Variants in RHAG observed in about 807,000 individuals in gnomAD.
RHAG encodes the protein Rh associated glycoprotein.
A neutral mutation model predicts 42.4 loss-of-function variants in RHAG; 25 were observed. That is an observed-to-expected ratio of 0.59 (90% confidence interval 0.43 to 0.82). The LOEUF (loss-of-function observed/expected upper bound fraction) is 0.82, where lower values mean the gene tolerates loss of function less well. Among genes scored for constraint, RHAG ranks in the 40% least tolerant of loss-of-function variants. RHAG has a pLI of 0.00. For missense variants in RHAG, 483 were observed against 504.6 expected (o/e 0.96, Z 0.41); for synonymous variants, 182 against 177.7 (o/e 1.02, Z -0.19).
intron 5 of RHAG, among the ~76,000 whole-genome samples, chr6:49,613,279 A>G (rs995908460): frequency 6.6e-6 from 1 of 152,158 alleles, no homozygotes; most frequent in African/African-American, 2.4e-5. Context: ...CATGTTGGCC[A>G]GGCTGTTCTG....
intron 7 of RHAG, among the ~76,000 whole-genome samples, chr6:49,610,030 G>C (rs942283119): frequency 6.6e-6 from 1 of 151,994 alleles, no homozygotes; most frequent in Non-Finnish European, 1.5e-5. Context: ...GAGAACACAT[G>C]GACACAGGGA....
chr6:49,615,103 A>G, intron 4 of RHAG: 1 of 438,196 alleles, frequency 2.3e-6, no homozygotes, highest in Non-Finnish European at 4.1e-6. Context: ...GCGGGCTACC[A>G]TGTCCACCTA....
At chr6:49,631,018 T>C (rs1409755122) in intron 1 of RHAG, among the ~76,000 whole-genome samples, 1 of 152,238 alleles carries the variant, frequency 6.6e-6, no homozygotes, top group Non-Finnish European at 1.5e-5. Context: ...TTGGATTTGT[T>C]TGATTGTTTC....
chr6:49,636,496 G>T (rs1453896493), intron 1 of RHAG, among the ~76,000 whole-genome samples, 160 bp downstream of exon 1: 1 of 152,060 alleles, frequency 6.6e-6, no homozygotes, highest in Non-Finnish European at 1.5e-5. Context: ...TCACAGAGAA[G>T]AAGACCAGAT....
chr6:49,618,549 G>A (rs1448524471), intron 2 of RHAG, among the ~76,000 whole-genome samples: 1 of 152,098 alleles, frequency 6.6e-6, no homozygotes, highest in African/African-American at 2.4e-5. Flanking sequence ...GGAAATTTTT[G>A]CTCCCTGTAG....
chr6:49,614,565 A>G, intron 5 of RHAG, 122 bp downstream of exon 5: 1 of 864,582 alleles, frequency 1.2e-6, no homozygotes, highest in Non-Finnish European at 2.0e-6. Context: ...AGAACATTCT[A>G]CAAGGTCTGC....
rs762121551 is a variant in RHAG, at chr6:49,619,388, T to G, written c.158-26A>C. 2.5e-6 allele frequency: 4 copies of G among 1,599,014 alleles called. No individual in the cohort carries two copies. The Admixed American group carries it at 6.8e-5, about 27-fold the overall frequency. ...CTGGAAAAGAGGAAAGGAAAAAATA[T>G]CTGCATTATGAGAGCATGAAGAAAG... On this transcript the variant is annotated intron_variant, in intron 1 of 9. Coordinates refer to ENST00000371175, the MANE Select transcript of RHAG (RefSeq NM_000324.3).
intron 1 of RHAG, among the ~76,000 whole-genome samples, chr6:49,623,255 T>C (rs955247110): frequency 6.6e-6 from 1 of 152,226 alleles, no homozygotes; most frequent in African/African-American, 2.4e-5. Flanking sequence ...CTTAAGAACC[T>C]CATTTATTAT....
rs750210519 is a variant in RHAG at position 49,636,807 on chromosome 6, C to T, written c.6G>A (p.Arg2=). ...CTATAGCCATGAGAGGGAATGTGAA[C>T]CTCATGTTTGTGGCAAAGGACAGAG... M[R]FTFPLMAIVL... Residue 2 remains arginine, a synonymous_variant, in exon 1 of 10, where the codon AGG becomes AGA. Coordinates refer to ENST00000371175, the MANE Select transcript of RHAG (RefSeq NM_000324.3). 7 of 1,613,608 alleles carry T rather than the reference C, an allele frequency of 4.3e-6. No homozygotes were observed. The highest frequency in any genetic ancestry group is 3.3e-5 in the Admixed American group (2 of 60,002).
At chr6:49,620,790 C>T (rs534094145) in intron 1 of RHAG, among the ~76,000 whole-genome samples, 1 of 152,312 alleles carries the variant, frequency 6.6e-6, no homozygotes, top group African/African-American at 2.4e-5. Context: ...CTCGGCCTCC[C>T]AAATTGCTGG....
At chr6:49,628,044 T>C (rs950683994) in intron 1 of RHAG, among the ~76,000 whole-genome samples, 2 of 151,972 alleles carry the variant, frequency 1.3e-5, no homozygotes, top group Non-Finnish European at 2.9e-5. Context: ...AAAACTCTCC[T>C]TTTCCTCTAT....
chr6:49,607,536 T>C (rs1762495170), intron 7 of RHAG, among the ~76,000 whole-genome samples: 1 of 152,198 alleles, frequency 6.6e-6, no homozygotes, highest in East Asian at 1.9e-4. Context: ...TTAATAAATA[T>C]TGAGTATCCA....
chr6:49,617,887 A>G (rs1402686048), intron 3 of RHAG, among the ~76,000 whole-genome samples, 181 bp downstream of exon 3: 1 of 152,160 alleles, frequency 6.6e-6, no homozygotes, highest in Non-Finnish European at 1.5e-5. Flanking sequence ...AGATGAAATA[A>G]GATAATGTTT....
At chr6:49,612,603 C>A in intron 5 of RHAG, 69 bp from the exon 6 acceptor site, 1 of 1,585,998 alleles carries the variant, frequency 6.3e-7, no homozygotes, top group South Asian at 1.1e-5. Context: ...TCAGAGGATT[C>A]TAGAGTTCAA....
intron 3 of RHAG, 131 bp downstream of exon 3, chr6:49,617,937 G>T: frequency 1.3e-6 from 1 of 773,848 alleles, no homozygotes; most frequent in Non-Finnish European, 2.2e-6. Context: ...AGTAAATGAT[G>T]GTTATTGTTA....
rs766300873 is a variant in RHAG, at chr6:49,619,250, G to T, written c.270C>A (p.Gly90=). Residue 90 remains glycine (G), a synonymous_variant, in exon 2 of 10, where the codon GGC becomes GGA. Coordinates refer to ENST00000371175, the MANE Select transcript of RHAG (RefSeq NM_000324.3). ...VGINLLVAAL[G]LQWGTIVQGI... ...CCTGTACAATAGTGCCCCACTGGAGGCCCAAAGCAGCAACGAGTAGGTTGA... is the reference window on the plus strand; with the variant it reads ...CCTGTACAATAGTGCCCCACTGGAGTCCCAAAGCAGCAACGAGTAGGTTGA... 1.2e-6 allele frequency: 2 copies of T among 1,614,064 alleles called. No individual in the cohort carries two copies. Among genetic ancestry groups the T allele is most frequent in the Non-Finnish European group, 1.7e-6 (2 of 1,179,972 alleles).
intron 1 of RHAG, among the ~76,000 whole-genome samples, chr6:49,629,764 G>C (rs1581951704): frequency 1.3e-5 from 2 of 152,336 alleles, no homozygotes; most frequent in South Asian, 4.1e-4. Flanking sequence ...GGGGGACCCA[G>C]TACACCCTCC....
chr6:49,616,967 C>T (rs10485290), intron 3 of RHAG, among the ~76,000 whole-genome samples: 31,985 of 152,112 alleles, frequency 0.21, 4,046 homozygotes, highest in Non-Finnish European at 0.28. Flanking sequence ...TATCTTGAAA[C>T]GCTCACATAT....
At chr6:49,610,303 TC>T (rs1408856035) in intron 7 of RHAG, among the ~76,000 whole-genome samples, 1 of 152,212 alleles carries the variant, frequency 6.6e-6, no homozygotes, top group Admixed American at 6.5e-5. Context: ...TCTATGATCT[TC>T]TCAGCTTTTT....
Sources: allele counts gnomAD v4.1 joint callset (sites outside exome capture counted in the v4.1 genomes callset), GRCh38; gene constraint gnomAD v4.1.1; transcripts MANE v1.5; gene names NCBI Gene and HGNC (gene_info 2026-07-23, HGNC 2026-07-21).